The following DACT3 variants were observed in gnomAD, a reference collection of about 807,000 sequenced individuals.
The protein encoded by DACT3 is dishevelled binding antagonist of beta catenin 3.
DACT3 carries 5 observed loss-of-function variants against 19.6 expected under a neutral mutation model. That is an observed-to-expected ratio of 0.26 (90% CI 0.13 to 0.54). DACT3 has a LOEUF of 0.54. DACT3 is among the 20% of genes least tolerant of loss of function. The probability of loss-of-function intolerance (pLI) is 0.95; values close to 1 mark genes in which losing one functional copy is unlikely to be tolerated. For missense variants in DACT3, 908 were observed against 927.4 expected (o/e 0.98, Z 0.27); for synonymous variants, 454 against 428.1 (o/e 1.06, Z -0.75).
rs2053071169 is a variant in DACT3 at position 46,660,919 on chromosome 19, T to A, written c.146A>T (p.Gln49Leu). 1 of 1,538,560 alleles carries A rather than the reference T, an allele frequency of 6.5e-7. No homozygotes were observed. The highest frequency in any genetic ancestry group is 1.4e-5 in the African/African-American group (1 of 72,630). The stretch of plus-strand genomic sequence containing the variant: ...GGCCTCGGCGCCCCCCATTCCGGGC[T>A]GGGCCAGCCGCAGCGCCTGCTGCAC... Reference protein sequence around the residue: ...YRVQQALRLAQPGMGGAEAED... With the variant: ...YRVQQALRLALPGMGGAEAED... The change falls in exon 1 of 4, where the codon CAG becomes CTG. Residue 49 changes from glutamine (Q) to leucine (L), a missense_variant. Physicochemically the swap from Gln to Leu is moderately radical, Grantham distance 113. Coordinates refer to ENST00000391916, the MANE Select transcript of DACT3 (RefSeq NM_145056.3). The surrounding 1 kb of genome is among the most constrained non-coding windows in gnomAD (Gnocchi z 4.9).
Position 46,661,174 on chromosome 19 carries a change from G to T in DACT3, c.-110C>A. 1 of 1,193,070 alleles carries T rather than the reference G, an allele frequency of 8.4e-7. No individual in the cohort carries two copies. Among genetic ancestry groups the T allele is most frequent in the Non-Finnish European group, 1.1e-6 (1 of 925,508 alleles). 73.9% of individuals were successfully genotyped at this position (1,193,070 alleles called of 1,614,324 possible). On this transcript the variant is annotated 5_prime_UTR_variant, in exon 1 of 4. Transcript: ENST00000391916. ...CCCGCCCGCTGGCCGGGCTGTCACC[G>T]TCTCATCTGCATAGGCGCCCGCCCA... is the stretch of plus-strand genomic sequence containing the variant.
chr19:46,648,311 G>T lies in DACT3; in HGVS notation c.*171C>A. On this transcript the variant is annotated 3_prime_UTR_variant, in exon 4 of 4. Transcript: ENST00000391916. The surrounding 1 kb of genome is among the most constrained non-coding windows in gnomAD (Gnocchi z 5.1). ...ACAGGGCTCCTCCCCATTCCTCTCG[G>T]TGGTGGTGGGGGAGCCTTTTCAACC... 1 of 1,120,564 alleles carries T rather than the reference G, an allele frequency of 8.9e-7. No individual in the cohort carries two copies. 69.4% of individuals were successfully genotyped at this position (1,120,564 alleles called of 1,614,324 possible).
chr19:46,659,804 T>C (rs1184156835), intron 1 of DACT3, among the ~76,000 whole-genome samples: 1 of 143,594 alleles, frequency 7.0e-6, no homozygotes, highest in Non-Finnish European at 1.5e-5. Flanking sequence ...GTGTGCGGGC[T>C]GGGGGGAGGG....
At chr19:46,651,883 A>T (rs1323019142) in intron 3 of DACT3, 1 of 151,446 alleles carries the variant, frequency 6.6e-6, no homozygotes, top group Non-Finnish European at 1.5e-5. Flanking sequence ...CTGTTATTAT[A>T]CCATTTTATA....
In DACT3 at chr19:46,649,544, G is replaced by A; in HGVS notation, c.828C>T (p.Asp276=). The change falls in exon 4 of 4, where the codon GAC becomes GAT. Residue 276 remains aspartate (D), a synonymous_variant. Transcript: ENST00000391916. ...CGCTGTTCTGGCGCCGCGGGCCGCC[G>A]TCCGCGCCCCCGGGACTGGTCCGGG... ...GQPRTSPGGA[D]GGPRRQNSVR... is the part of the protein sequence containing the mutation. 3 of 1,045,946 alleles carry A rather than the reference G, an allele frequency of 2.9e-6. No individual in the cohort carries two copies. Among genetic ancestry groups the A allele is most frequent in the South Asian group, 8.8e-5 (2 of 22,734 alleles). 64.8% of individuals were successfully genotyped at this position (1,045,946 alleles called of 1,614,324 possible).
Position 46,649,247 on chromosome 19 carries a change from G to A in DACT3, c.1125C>T (p.Ala375=). The change falls in exon 4 of 4, where the codon GCC becomes GCT. Residue 375 remains alanine, a synonymous_variant. Transcript: ENST00000391916. ...AATRGLPGRA[A]RRKPPPLTRG... ...GGGTCAGTGGCGGCGGTTTGCGGCGGGCGGCGCGGCCAGGGAGGCCTCGGG... is the reference window on the plus strand; with the variant it reads ...GGGTCAGTGGCGGCGGTTTGCGGCGAGCGGCGCGGCCAGGGAGGCCTCGGG... The A allele has an allele frequency of 8.3e-7, 1 of 1,198,848 alleles. No individual in the cohort carries two copies. Among genetic ancestry groups the A allele is most frequent in the Non-Finnish European group, 1.0e-6 (1 of 969,342 alleles). The allele number at this position is 1,198,848 out of a possible 1,614,324, so 74.3% of individuals were successfully genotyped here. A position where few individuals can be genotyped will look rare whatever the true frequency, so the allele number is the denominator to read the frequency against.
chr19:46,660,949 T>C lies in DACT3; in HGVS notation c.116A>G (p.Tyr39Cys). ...ELHWLRERQE[Y>C]RVQQALRLAQ... Reference sequence around the variant, plus strand: ...CAGCCGCAGCGCCTGCTGCACGCGGTACTCCTGCCTCTCCCGGAGCCAATG... The same window carrying C: ...CAGCCGCAGCGCCTGCTGCACGCGGCACTCCTGCCTCTCCCGGAGCCAATG... Residue 39 changes from tyrosine to cysteine, a missense_variant, in exon 1 of 4, where the codon TAC (tyrosine) becomes TGC (cysteine). Tyr to Cys is a radical substitution (Grantham distance 194). Transcript: ENST00000391916. The surrounding 1 kb of genome is among the most constrained non-coding windows in gnomAD (Gnocchi z 4.9). 6.5e-7 allele frequency: 1 copy of C among 1,539,958 alleles called. No individual in the cohort carries two copies. Among genetic ancestry groups the C allele is most frequent in the Non-Finnish European group, 8.7e-7 (1 of 1,145,898 alleles).
chr19:46,651,069 T>TTATC (rs1224617344), intron 3 of DACT3: 1 of 44,082 alleles, frequency 2.3e-5, no homozygotes, highest in African/African-American at 5.3e-5. Context: ...ATTTATCTAT[T>TTATC]TATTTATTTA....
intron 1 of DACT3, among the ~76,000 whole-genome samples, chr19:46,656,779 C>T (rs2053037121): frequency 6.6e-6 from 1 of 152,226 alleles, no homozygotes. Context: ...TGAGCAGAAA[C>T]AGAAAAGGGC....
rs927063209 is a variant in DACT3, at chr19:46,654,921, A to T, written c.250-1846T>A. On this transcript the variant is annotated intron_variant, in intron 1 of 3. Coordinates refer to ENST00000391916, the MANE Select transcript of DACT3 (RefSeq NM_145056.3). Reference sequence around the variant, plus strand: ...CTGTTTATTTGAGGAAGGTCAACAAATCCTTCCACTCTGGGCTCCTGCCCT... The same window carrying T: ...CTGTTTATTTGAGGAAGGTCAACAATTCCTTCCACTCTGGGCTCCTGCCCT... 8.1e-6 allele frequency: 8 copies of T among 985,038 alleles called. No homozygotes were observed. The African/African-American group carries it at 1.2e-4, about 15-fold the overall frequency. The allele number at this position is 985,038 out of a possible 1,614,324, so 61.0% of individuals were successfully genotyped here.
rs1432356236 is a variant in DACT3 at position 46,648,706 on chromosome 19, C to A, written c.1666G>T (p.Glu556Ter). 1.9e-6 allele frequency: 3 copies of A among 1,608,890 alleles called. No homozygotes were observed. The highest frequency in any genetic ancestry group is 3.3e-5 in the Admixed American group (2 of 59,750). The change falls in exon 4 of 4, where the codon GAA (glutamate) becomes TAA (stop). Residue 556 changes from glutamate (E) to a stop codon, truncating the protein, a stop_gained. Coordinates refer to ENST00000391916, the MANE Select transcript of DACT3 (RefSeq NM_145056.3). LOFTEE classifies it low-confidence loss of function (END_TRUNC). This position sits in a 1 kb window ranked among gnomAD's most constrained non-coding sequence, Gnocchi z 5.1. ...GESESSASEG[E>*]SPAFSSASSD... Reference sequence around the variant, plus strand: ...GAGGCAGAGCTGAAGGCAGGCGATTCTCCCTCGCTGGCGCTCGATTCGCTC... The same window carrying A: ...GAGGCAGAGCTGAAGGCAGGCGATTATCCCTCGCTGGCGCTCGATTCGCTC...
At chr19:46,657,818 G>A (rs889798217) in intron 1 of DACT3, among the ~76,000 whole-genome samples, 3 of 152,058 alleles carry the variant, frequency 2.0e-5, no homozygotes, top group Non-Finnish European at 4.4e-5. Context: ...TTGGGAGACC[G>A]AGGCGGGAGG....
chr19:46,658,820 T>C (rs1460056683), intron 1 of DACT3, among the ~76,000 whole-genome samples: 1 of 152,076 alleles, frequency 6.6e-6, no homozygotes, highest in African/African-American at 2.4e-5. Context: ...TTATCTCTAT[T>C]AGGAAGTCAT....
At position 46,649,053 on chromosome 19, in the gene DACT3, C is replaced by G; in HGVS notation, c.1319G>C (p.Gly440Ala). ...LLGRASAVPS[G>A]PPKYPTAERE... ...CTCCGCCGTGGGGTACTTAGGGGGC[C>G]CCGAAGGGACCGCGGAGGCGCGGCC... The change falls in exon 4 of 4, where the codon GGG (glycine) becomes GCG (alanine). Residue 440 changes from glycine (G) to alanine (A), a missense_variant. Coordinates refer to ENST00000391916, the MANE Select transcript of DACT3 (RefSeq NM_145056.3). 1 of 1,287,370 alleles carries G rather than the reference C, an allele frequency of 7.8e-7. No homozygotes were observed. Among genetic ancestry groups the G allele is most frequent in the Non-Finnish European group, 9.8e-7 (1 of 1,019,918 alleles). The allele number at this position is 1,287,370 out of a possible 1,614,324, so 79.7% of individuals were successfully genotyped here. A position where few individuals can be genotyped will look rare whatever the true frequency, so the allele number is the denominator to read the frequency against.
intron 1 of DACT3, 138 bp from the exon 2 acceptor site, chr19:46,653,213 T>C (rs2053003908): frequency 7.8e-7 from 1 of 1,285,188 alleles, no homozygotes; most frequent in African/African-American, 1.5e-5. Context: ...AGTACCTCAG[T>C]CCCAGGACCC....
At chr19:46,658,229 T>A (rs796968353) in intron 1 of DACT3, among the ~76,000 whole-genome samples, 4,243 of 142,722 alleles carry the variant, frequency 0.03, 199 homozygotes, top group African/African-American at 0.1. Flanking sequence ...CTCATATCTT[T>A]AAAAAAAAAA....
At position 46,649,634 on chromosome 19, in the gene DACT3, C is replaced by G; in HGVS notation, c.738G>C (p.Gly246=). The G allele has an allele frequency of 8.8e-7, 1 of 1,137,300 alleles. No homozygotes were observed. The highest frequency in any genetic ancestry group is 1.1e-6 in the Non-Finnish European group (1 of 929,400). The allele number at this position is 1,137,300 out of a possible 1,614,324, so 70.5% of individuals were successfully genotyped here. A position where few individuals can be genotyped will look rare whatever the true frequency, so the allele number is the denominator to read the frequency against. Residue 246 remains glycine (G), a synonymous_variant, in exon 4 of 4, where the codon GGG becomes GGC. Transcript: ENST00000391916. ...CCGAGATGTAGCCGTCCAGGGGCCG[C>G]CCTGCGCCCCCCGCGTCGGGCGAGT... The part of the protein sequence containing the change: ...PTDSPDAGGA[G]RPLDGYISAL...
chr19:46,656,660 T>C (rs1224454664), intron 1 of DACT3, among the ~76,000 whole-genome samples: 1 of 152,170 alleles, frequency 6.6e-6, no homozygotes, highest in Non-Finnish European at 1.5e-5. Context: ...GTCTATTTTT[T>C]AAAAAGAAAT....
intron 3 of DACT3, 76 bp downstream of exon 3, chr19:46,652,584 T>C: frequency 6.9e-7 from 1 of 1,456,082 alleles, no homozygotes; most frequent in Non-Finnish European, 9.2e-7. Context: ...CCAGGCCCGA[T>C]TCGGAAGTCT....
Sources: allele counts gnomAD v4.1 joint callset (sites outside exome capture counted in the v4.1 genomes callset), GRCh38; gene constraint gnomAD v4.1.1; non-coding constraint Gnocchi (gnomAD v3.1); transcripts MANE v1.5; gene names NCBI Gene and HGNC (gene_info 2026-07-23, HGNC 2026-07-21).